Variants in MRRF observed in about 807,000 individuals in gnomAD.
MRRF encodes ribosome-recycling factor, mitochondrial.
A neutral mutation model predicts 25.1 loss-of-function variants in MRRF; 18 were observed. The observed-to-expected ratio is 0.72, with a 90% CI of 0.50 to 1.06. The LOEUF is 1.06. Among genes scored for constraint, MRRF ranks in the 50% least tolerant of loss-of-function variants. The probability of loss-of-function intolerance (pLI) is 0.00; values close to 1 mark genes in which losing one functional copy is unlikely to be tolerated. For missense variants in MRRF, 323 were observed against 319.3 expected (o/e 1.01, Z -0.09); for synonymous variants, 113 against 112.1 (o/e 1.01, Z -0.05).
chr9:122,322,490 A>G (rs758391430), intron 6 of MRRF, 50 bp from the exon 7 acceptor site: 2 of 1,512,078 alleles, frequency 1.3e-6, no homozygotes, highest in South Asian at 1.1e-5. Context: ...TCATCCCCCT[A>G]CCCTTTTCCA....
In MRRF at chr9:122,308,111, TACAA is replaced by T. The variant is rs1315113549; in HGVS notation, c.552-5110_552-5107del. On this transcript the variant is annotated intron_variant, in intron 5 of 6. Coordinates refer to ENST00000344641, the MANE Select transcript of MRRF (RefSeq NM_138777.5). ...TGGAAGATCTGCCTGGTGGAGCTTG[TACAA>T]ACAAAGTATGACCCTGCCAGCTCAG... Among the ~76,000 whole-genome samples, 12 of 152,260 alleles carry T rather than the reference TACAA, an allele frequency of 7.9e-5. No homozygotes were observed. In the East Asian group the frequency reaches 1.9e-3, roughly 25 times the overall value.
intron 2 of MRRF, among the ~76,000 whole-genome samples, chr9:122,275,203 C>G (rs1478327985): frequency 6.6e-6 from 1 of 151,868 alleles, no homozygotes; most frequent in Non-Finnish European, 1.5e-5. Flanking sequence ...GATCTCCAGA[C>G]TTGTTCATCC....
At chr9:122,265,947 A>G (rs1832053313) in intron 1 of MRRF, among the ~76,000 whole-genome samples, 1 of 152,268 alleles carries the variant, frequency 6.6e-6, no homozygotes, top group Admixed American at 6.5e-5. Flanking sequence ...AGAGAAGAAC[A>G]TCATCTACTA....
chr9:122,291,928 G>A (rs1833800121), intron 5 of MRRF, 88 bp downstream of exon 5: 1 of 896,916 alleles, frequency 1.1e-6, no homozygotes. Flanking sequence ...ATACCGTTAG[G>A]CCAATAACAT....
chr9:122,313,494 A>C, intron 6 of MRRF, 108 bp downstream of exon 6: 1 of 1,234,528 alleles, frequency 8.1e-7, no homozygotes, highest in Non-Finnish European at 1.2e-6. Context: ...TCTTTCATTC[A>C]CATTATCACC....
rs1016382203 is a variant in MRRF at position 122,266,173 on chromosome 9, A to G, written c.-29+1235A>G. Among the ~76,000 whole-genome samples, 12 of 152,402 alleles carry G rather than the reference A, an allele frequency of 7.9e-5. 1 individual carries two copies. In the South Asian group the frequency reaches 2.5e-3, roughly 32 times the overall value. Reference sequence around the variant, plus strand: ...TACTGGGGATACAGCAGTGAACAAGAAAATCATAGATTAGTCCTTGTAGTA... The same window carrying G: ...TACTGGGGATACAGCAGTGAACAAGGAAATCATAGATTAGTCCTTGTAGTA... On this transcript the variant is annotated intron_variant, in intron 1 of 6. Transcript: ENST00000344641.
rs1368045696 is a variant in MRRF, at chr9:122,323,628, T to G, written c.*1011T>G. On this transcript the variant is annotated 3_prime_UTR_variant, in exon 7 of 7. Coordinates refer to ENST00000344641, the MANE Select transcript of MRRF (RefSeq NM_138777.5). The stretch of plus-strand genomic sequence containing the variant: ...TGGCTTATCTTCGGATACTGGGTTA[T>G]TAGGTTTTTTTCCCTCCAATTATTT... 6.6e-6 allele frequency: 1 copy of G among 152,228 alleles called. No individual in the cohort carries two copies. Among genetic ancestry groups the G allele is most frequent in the Admixed American group, 6.5e-5 (1 of 15,288 alleles). The allele number at this position is 152,228 out of a possible 1,614,324, so 9.4% of individuals were successfully genotyped here. A position where few individuals can be genotyped will look rare whatever the true frequency, so the allele number is the denominator to read the frequency against.
intron 1 of MRRF, chr9:122,265,339 A>G: frequency 1.1e-5 from 2 of 183,428 alleles, no homozygotes; most frequent in South Asian, 1.8e-4. Context: ...GGGCTATCCG[A>G]CTCCTAAGCC....
Position 122,313,364 on chromosome 9 carries a change from C to A in MRRF, c.689C>A (p.Thr230Asn). ...KKSKDTVSED[T>N]IRLIEKQISQ... ...TCCAAGGATACAGTCTCAGAGGACACCATTAGGCTAATAGAGAAACAGGTA... is the reference window on the plus strand; with the variant it reads ...TCCAAGGATACAGTCTCAGAGGACAACATTAGGCTAATAGAGAAACAGGTA... Residue 230 changes from threonine to asparagine, a missense_variant, in exon 6 of 7, where the codon ACC becomes AAC. Thr to Asn is a moderately conservative substitution (Grantham distance 65). Coordinates refer to ENST00000344641, the MANE Select transcript of MRRF (RefSeq NM_138777.5). 6.2e-7 allele frequency: 1 copy of A among 1,614,048 alleles called. No individual in the cohort carries two copies. Among genetic ancestry groups the A allele is most frequent in the Non-Finnish European group, 8.5e-7 (1 of 1,179,930 alleles).
At chr9:122,298,177 T>A (rs1390281002) in intron 5 of MRRF, among the ~76,000 whole-genome samples, 1 of 152,208 alleles carries the variant, frequency 6.6e-6, no homozygotes, top group African/African-American at 2.4e-5. Context: ...GAGAGTACTT[T>A]CTGTTTTTGT....
At chr9:122,307,268 C>T (rs898227489) in intron 5 of MRRF, among the ~76,000 whole-genome samples, 1 of 152,212 alleles carries the variant, frequency 6.6e-6, no homozygotes, top group Non-Finnish European at 1.5e-5. Context: ...GGCAAGGTTT[C>T]TGTCAGTGGC....
intron 6 of MRRF, among the ~76,000 whole-genome samples, chr9:122,321,656 A>G (rs1045073800): frequency 8.1e-4 from 124 of 152,296 alleles, no homozygotes; most frequent in African/African-American, 2.9e-3. Context: ...AAATTTTGCT[A>G]TGATAGCTGA....
At position 122,317,053 on chromosome 9, in the gene MRRF, A is replaced by T. The variant is rs533336736; in HGVS notation, c.711+3667A>T. ...TTTAGTTTGTTGAAACTTCTTTGTT[A>T]TAAGGTTGCAGTGAATATATATATA... is the stretch of plus-strand genomic sequence containing the variant. On this transcript the variant is annotated intron_variant, in intron 6 of 6. Coordinates refer to ENST00000344641, the MANE Select transcript of MRRF (RefSeq NM_138777.5). Among the ~76,000 whole-genome samples the T allele has an allele frequency of 4.3e-4, 64 of 149,382 alleles. No homozygotes were observed. In the East Asian group the frequency reaches 0.012, roughly 29 times the overall value.
At chr9:122,305,902 T>G (rs1221886494) in intron 5 of MRRF, among the ~76,000 whole-genome samples, 4 of 152,216 alleles carry the variant, frequency 2.6e-5, no homozygotes, top group Non-Finnish European at 4.4e-5. Context: ...ATGTAATCAT[T>G]GTTTCTGGAA....
At chr9:122,300,413 A>T (rs1258408224) in intron 5 of MRRF, among the ~76,000 whole-genome samples, 2 of 152,186 alleles carry the variant, frequency 1.3e-5, no homozygotes, top group African/African-American at 2.4e-5. Flanking sequence ...CAGCCTCCTT[A>T]TCTGTAAAAC....
At chr9:122,298,812 T>C (rs1445920202) in intron 5 of MRRF, among the ~76,000 whole-genome samples, 3 of 152,186 alleles carry the variant, frequency 2.0e-5, no homozygotes, top group Non-Finnish European at 4.4e-5. Context: ...CGGATGGTCA[T>C]ATTTTTCTCT....
intron 5 of MRRF, among the ~76,000 whole-genome samples, chr9:122,309,654 A>G (rs566947745): frequency 6.6e-6 from 1 of 152,162 alleles, no homozygotes. Context: ...TAATTTATTC[A>G]TTAATTTGCA....
rs968626053 is a variant in MRRF at position 122,280,439 on chromosome 9, T to G, written c.185-4T>G. The G allele has an allele frequency of 6.2e-7, 1 of 1,614,160 alleles. No homozygotes were observed. The highest frequency in any genetic ancestry group is 1.1e-5 in the South Asian group (1 of 91,084). On this transcript the variant is annotated splice_region_variant and splice_polypyrimidine_tract_variant and intron_variant, in intron 2 of 6. Transcript: ENST00000344641. Reference sequence around the variant, plus strand: ...GTTTTATTCACTGAATGTTCACTTTTTAGCCAAAGGGAAAGGACAGTCCCA... The same window carrying G: ...GTTTTATTCACTGAATGTTCACTTTGTAGCCAAAGGGAAAGGACAGTCCCA...
chr9:122,293,519 A>G (rs1424168688), intron 5 of MRRF, among the ~76,000 whole-genome samples: 1 of 152,252 alleles, frequency 6.6e-6, no homozygotes, highest in Middle Eastern at 3.2e-3. Context: ...CCTCGTGGCC[A>G]GAAAATAGCT....
Sources: gnomAD v4.1 joint callset for allele counts (sites outside exome capture counted in the v4.1 genomes callset) on GRCh38, gnomAD v4.1.1 for gene constraint, MANE v1.5 for transcripts, NCBI Gene and HGNC (gene_info 2026-07-23, HGNC 2026-07-21) for gene names.